The following PTPRE variants were observed in gnomAD, a reference collection of about 807,000 sequenced individuals.
The protein encoded by PTPRE is protein tyrosine phosphatase receptor type E.
A neutral mutation model predicts 102.0 loss-of-function variants in PTPRE; 51 were observed. The ratio of observed to expected loss-of-function variants is 0.50; its 90% CI spans 0.40 to 0.63. The LOEUF is 0.63. PTPRE is among the 30% of genes least tolerant of loss of function. The pLI is 0.00. For synonymous variants in PTPRE, 345 were observed against 348.2 expected (o/e 0.99, Z 0.10); for missense variants, 752 against 915.1 (o/e 0.82, Z 2.30).
intron 1 of PTPRE, among the ~76,000 whole-genome samples, chr10:127,979,923 T>C (rs1289666708): frequency 6.6e-6 from 1 of 152,196 alleles, no homozygotes. Context: ...AGATTGATCA[T>C]TTCTATCAAT....
At chr10:128,051,164 C>T (rs1848535976) in intron 6 of PTPRE, among the ~76,000 whole-genome samples, 1 of 152,204 alleles carries the variant, frequency 6.6e-6, no homozygotes, top group Admixed American at 6.5e-5. Context: ...TTTCCCCTTG[C>T]ACTTTTGTTT....
At chr10:128,029,075 T>C (rs1240806665) in intron 2 of PTPRE, among the ~76,000 whole-genome samples, 1 of 152,188 alleles carries the variant, frequency 6.6e-6, no homozygotes, top group Non-Finnish European at 1.5e-5. Context: ...CGGAGGCAGA[T>C]AAGAGTGGGT....
chr10:128,058,183 CCT>C (rs1564939496), intron 7 of PTPRE, among the ~76,000 whole-genome samples: 1 of 152,214 alleles, frequency 6.6e-6, no homozygotes, highest in African/African-American at 2.4e-5. Flanking sequence ...GTGGGCATTA[CCT>C]ACACCCAGTC....
Position 128,082,195 on chromosome 10 carries a change from CTTTTTTT to C in PTPRE, c.2029-615_2029-609del, listed in dbSNP as rs35709074. On this transcript the variant is annotated intron_variant, in intron 20 of 20. Coordinates refer to ENST00000254667, the MANE Select transcript of PTPRE (RefSeq NM_006504.6). ...TTAGTACTCTGATTTTTTTCTCTTT[CTTTTTTT>C]TTTTTTTTTTTTTTTTTTTTTGAGA... Among the ~76,000 whole-genome samples the C allele has an allele frequency of 2.7e-3, 244 of 89,060 alleles. 11 individuals are homozygous for C. The highest frequency in any genetic ancestry group is 0.018 in the South Asian group (42 of 2,328). 58.4% of individuals were successfully genotyped at this position (89,060 alleles called of 152,430 possible).
chr10:128,064,770 GA>G (rs1398300391), intron 10 of PTPRE, among the ~76,000 whole-genome samples: 2 of 152,254 alleles, frequency 1.3e-5, no homozygotes, highest in African/African-American at 2.4e-5. Flanking sequence ...CAATTCAGAT[GA>G]AATCATTTCT....
At chr10:127,928,084 T>C (rs887989220) in intron 1 of PTPRE, among the ~76,000 whole-genome samples, 4 of 152,218 alleles carry the variant, frequency 2.6e-5, no homozygotes, top group Admixed American at 1.3e-4. Flanking sequence ...TTCTTCAAGA[T>C]TGTAAATTGC....
intron 19 of PTPRE, among the ~76,000 whole-genome samples, chr10:128,078,039 C>T (rs1393705741): frequency 2.0e-5 from 3 of 152,228 alleles, no homozygotes; most frequent in Non-Finnish European, 2.9e-5. Flanking sequence ...AGTTGGGAAA[C>T]CACTCAAACA....
intron 2 of PTPRE, among the ~76,000 whole-genome samples, chr10:128,039,345 C>T (rs755339893): frequency 6.6e-6 from 1 of 152,132 alleles, no homozygotes; most frequent in Non-Finnish European, 1.5e-5. Context: ...CCTTCGGGAA[C>T]CTCTGTTTCT....
intron 1 of PTPRE, among the ~76,000 whole-genome samples, chr10:127,933,533 ACT>A (rs1847596929): frequency 6.6e-6 from 1 of 152,004 alleles, no homozygotes; most frequent in Non-Finnish European, 1.5e-5. Flanking sequence ...GCCCAATTAA[ACT>A]CTGCGAGAAT....
intron 1 of PTPRE, among the ~76,000 whole-genome samples, chr10:127,917,463 C>G (rs746219921): frequency 6.6e-6 from 1 of 152,090 alleles, no homozygotes; most frequent in Middle Eastern, 3.4e-3. Flanking sequence ...TGGAGGATTG[C>G]TTGAGGCTAG....
At chr10:127,939,351 G>A (rs1294420970) in intron 1 of PTPRE, among the ~76,000 whole-genome samples, 2 of 152,210 alleles carry the variant, frequency 1.3e-5, no homozygotes, top group East Asian at 3.9e-4. Flanking sequence ...CCATTCTGCT[G>A]TGGCAAACAC....
intron 11 of PTPRE, 59 bp downstream of exon 11, chr10:128,066,253 A>G: frequency 6.3e-7 from 1 of 1,591,752 alleles, no homozygotes; most frequent in Non-Finnish European, 8.6e-7. Context: ...CATCATGCCC[A>G]GAGTTAACAT....
Position 128,047,752 on chromosome 10 carries a change from T to G in PTPRE, c.210-12T>G. The G allele has an allele frequency of 6.2e-7, 1 of 1,611,670 alleles. No homozygotes were observed. The highest frequency in any genetic ancestry group is 8.5e-7 in the Non-Finnish European group (1 of 1,177,952). Reference sequence around the variant, plus strand: ...AGAAGTGTGGAAACCTAACGCATCCTGTGTCTCTAAGGTTCAGGAAGCAGA... The same window carrying G: ...AGAAGTGTGGAAACCTAACGCATCCGGTGTCTCTAAGGTTCAGGAAGCAGA... On this transcript the variant is annotated splice_polypyrimidine_tract_variant and intron_variant, in intron 4 of 20. Coordinates refer to ENST00000254667, the MANE Select transcript of PTPRE (RefSeq NM_006504.6).
chr10:127,997,408 C>T (rs1057052244), intron 2 of PTPRE, among the ~76,000 whole-genome samples: 3 of 152,200 alleles, frequency 2.0e-5, no homozygotes, highest in Admixed American at 6.5e-5. Context: ...CATCCTCCCC[C>T]AACCTGGACT....
intron 2 of PTPRE, among the ~76,000 whole-genome samples, chr10:127,988,883 A>T (rs1462899738): frequency 1.3e-5 from 2 of 152,206 alleles, no homozygotes; most frequent in African/African-American, 4.8e-5. Flanking sequence ...AATTATTTAA[A>T]ATGGTAAGAA....
intron 2 of PTPRE, among the ~76,000 whole-genome samples, chr10:128,022,136 T>C (rs1215603855): frequency 6.6e-6 from 1 of 152,364 alleles, no homozygotes; most frequent in Non-Finnish European, 1.5e-5. Context: ...AGAGGTGGTC[T>C]TGACCTGATC....
chr10:128,063,230 G>A (rs376866189), intron 10 of PTPRE, 50 bp downstream of exon 10: 44 of 1,604,540 alleles, frequency 2.7e-5, no homozygotes, highest in Middle Eastern at 1.7e-4. Context: ...AGCTGCTGCT[G>A]CCGGGCTGGG....
At chr10:127,926,416 AGTT>A (rs1309154192) in intron 1 of PTPRE, among the ~76,000 whole-genome samples, 5 of 152,244 alleles carry the variant, frequency 3.3e-5, no homozygotes, top group African/African-American at 9.6e-5. Context: ...AGGCGCTGTG[AGTT>A]GTTCTGCGGC....
At chr10:127,975,283 C>T (rs1411635801) in intron 1 of PTPRE, among the ~76,000 whole-genome samples, 1 of 152,222 alleles carries the variant, frequency 6.6e-6, no homozygotes, top group African/African-American at 2.4e-5. Context: ...GCTTCCAAAC[C>T]TGTTAAGCAA....
Sources: gnomAD v4.1 joint callset for allele counts (sites outside exome capture counted in the v4.1 genomes callset) on GRCh38, gnomAD v4.1.1 for gene constraint, MANE v1.5 for transcripts, NCBI Gene and HGNC (gene_info 2026-07-23, HGNC 2026-07-21) for gene names.